Variants in BAIAP2L1 observed in about 807,000 individuals in gnomAD.
BAIAP2L1 encodes BAR/IMD domain-containing adapter protein 2-like 1.
In BAIAP2L1, 35 loss-of-function variants were observed where a neutral mutation model predicts 66.3. The observed-to-expected ratio is 0.53, with a 90% CI of 0.40 to 0.70. BAIAP2L1 has a LOEUF of 0.70. Among genes scored for constraint, BAIAP2L1 ranks in the 30% least tolerant of loss-of-function variants. The pLI is 0.00. For missense variants in BAIAP2L1, 622 were observed against 656.9 expected, an observed-to-expected ratio of 0.95 and a Z score of 0.58; for synonymous variants, 269 against 248.7, an observed-to-expected ratio of 1.08 and a Z score of -0.77.
intron 1 of BAIAP2L1, among the ~76,000 whole-genome samples, chr7:98,384,693 C>CTTTTTT (rs11413562): frequency 1.3e-4 from 15 of 118,792 alleles, no homozygotes; most frequent in African/African-American, 1.5e-4. Flanking sequence ...ATCATTCTAC[C>CTTTTTT]TTTTTTTTTT....
At chr7:98,315,034 T>G (rs1801022351) in intron 7 of BAIAP2L1, among the ~76,000 whole-genome samples, 1 of 152,222 alleles carries the variant, frequency 6.6e-6, no homozygotes, top group African/African-American at 2.4e-5. Context: ...AAACACAGTT[T>G]CTCTGGAATC....
chr7:98,397,294 C>T (rs926018798), intron 1 of BAIAP2L1, among the ~76,000 whole-genome samples: 3 of 150,228 alleles, frequency 2.0e-5, no homozygotes, highest in African/African-American at 4.9e-5. Flanking sequence ...CTGCCACACC[C>T]GTTCTTCCTC....
chr7:98,302,173 C>T (rs968979179), intron 12 of BAIAP2L1, among the ~76,000 whole-genome samples: 7 of 152,230 alleles, frequency 4.6e-5, no homozygotes, highest in African/African-American at 1.4e-4. Context: ...ATACTTACAA[C>T]CAGGCTTCTT....
chr7:98,308,140 G>C, intron 9 of BAIAP2L1: 1 of 637,452 alleles, frequency 1.6e-6, no homozygotes. Context: ...CTGCGGCTGC[G>C]GGCTCTTTTC....
At chr7:98,359,648 G>A (rs1802219569) in intron 2 of BAIAP2L1, among the ~76,000 whole-genome samples, 1 of 151,834 alleles carries the variant, frequency 6.6e-6, no homozygotes, top group South Asian at 2.1e-4. Context: ...TCTCCTGCAG[G>A]GCCTCCTCCC....
chr7:98,304,116 G>C, intron 12 of BAIAP2L1, 80 bp downstream of exon 12: 2 of 1,407,012 alleles, frequency 1.4e-6, no homozygotes, highest in East Asian at 5.1e-5. Context: ...GCAGAGCAAG[G>C]CGGTCACCAC....
chr7:98,347,363 G>A (rs1451738471), intron 3 of BAIAP2L1, among the ~76,000 whole-genome samples: 3 of 152,142 alleles, frequency 2.0e-5, no homozygotes, highest in Non-Finnish European at 2.9e-5. Context: ...ATAGAACAAC[G>A]TAATTTTGCA....
Position 98,292,478 on chromosome 7 carries a change from C to G in BAIAP2L1, c.*1043G>C. ...ACCTGGGCCGGGCTGGGAATTTTAACCATGACTCTCCACTCCAAAATAGGT... is the reference window on the plus strand; with the variant it reads ...ACCTGGGCCGGGCTGGGAATTTTAAGCATGACTCTCCACTCCAAAATAGGT... On this transcript the variant is annotated 3_prime_UTR_variant, in exon 14 of 14. Coordinates refer to ENST00000005260, the MANE Select transcript of BAIAP2L1 (RefSeq NM_018842.5). 2 of 694,102 alleles carry G rather than the reference C, an allele frequency of 2.9e-6. No individual in the cohort carries two copies. Among genetic ancestry groups the G allele is most frequent in the South Asian group, 4.0e-5 (2 of 50,488 alleles). 43.0% of individuals were successfully genotyped at this position (694,102 alleles called of 1,614,324 possible).
At chr7:98,323,214 C>T (rs1003361019) in intron 3 of BAIAP2L1, 1 of 152,148 alleles carries the variant, frequency 6.6e-6, no homozygotes, top group Admixed American at 6.6e-5. Flanking sequence ...CAGCCAAGAG[C>T]ATAATTCCAT....
At chr7:98,328,004 G>C (rs1237096022) in intron 3 of BAIAP2L1, among the ~76,000 whole-genome samples, 1 of 151,510 alleles carries the variant, frequency 6.6e-6, no homozygotes, top group Non-Finnish European at 1.5e-5. Flanking sequence ...GCTGCAAGCA[G>C]AAACCCGAAC....
At chr7:98,337,536 A>G (rs1212635675) in intron 3 of BAIAP2L1, among the ~76,000 whole-genome samples, 1 of 152,258 alleles carries the variant, frequency 6.6e-6, no homozygotes, top group Non-Finnish European at 1.5e-5. Context: ...CAGCAATCAG[A>G]TGTTAATGGC....
Position 98,304,390 on chromosome 7 carries a change from AG to A in BAIAP2L1, c.1242-15del. On this transcript the variant is annotated splice_polypyrimidine_tract_variant and intron_variant, in intron 11 of 13. Coordinates refer to ENST00000005260, the MANE Select transcript of BAIAP2L1 (RefSeq NM_018842.5). ...ACTGGTGTGGGGCTCAAACCCAAAA[AG>A]GACACAGCACGTGTTAGATAATGTC... The A allele has an allele frequency of 6.2e-7, 1 of 1,613,364 alleles. No individual in the cohort carries two copies. Among genetic ancestry groups the A allele is most frequent in the Non-Finnish European group, 8.5e-7 (1 of 1,179,664 alleles).
chr7:98,358,353 G>GTT (rs750663949), intron 2 of BAIAP2L1, among the ~76,000 whole-genome samples: 7 of 150,256 alleles, frequency 4.7e-5, no homozygotes, highest in African/African-American at 1.7e-4. Flanking sequence ...AAGCATATTA[G>GTT]TTTTTTGTTT....
At chr7:98,306,387 G>T (rs768288557) in intron 11 of BAIAP2L1, 52 bp downstream of exon 11, 15 of 1,598,964 alleles carry the variant, frequency 9.4e-6, no homozygotes, top group Admixed American at 5.0e-5. Flanking sequence ...TTACAGAAAC[G>T]ACAAGGCAGG....
At chr7:98,390,781 GT>G (rs1488202064) in intron 1 of BAIAP2L1, among the ~76,000 whole-genome samples, 3 of 151,996 alleles carry the variant, frequency 2.0e-5, no homozygotes, top group Non-Finnish European at 2.9e-5. Flanking sequence ...GAGTTAACTA[GT>G]GCTTAATTGA....
In BAIAP2L1 at chr7:98,360,143, G is replaced by A. The variant is rs957872464; in HGVS notation, c.127+2214C>T. Among the ~76,000 whole-genome samples the A allele has an allele frequency of 4.6e-5, 7 of 151,900 alleles. No homozygotes were observed. In the East Asian group the frequency reaches 5.8e-4, roughly 13 times the overall value. Reference sequence around the variant, plus strand: ...TTACCATTTTGGCCAGGCTGGTTTCGAACTTCTGACCTCAGGTGATCTGCC... The same window carrying A: ...TTACCATTTTGGCCAGGCTGGTTTCAAACTTCTGACCTCAGGTGATCTGCC... On this transcript the variant is annotated intron_variant, in intron 2 of 13. Coordinates refer to ENST00000005260, the MANE Select transcript of BAIAP2L1 (RefSeq NM_018842.5).
chr7:98,313,437 C>T (rs961256857), intron 7 of BAIAP2L1, among the ~76,000 whole-genome samples: 2 of 152,032 alleles, frequency 1.3e-5, no homozygotes, highest in African/African-American at 2.4e-5. Flanking sequence ...GGGGATATCA[C>T]GCAGGAAGAG....
intron 3 of BAIAP2L1, among the ~76,000 whole-genome samples, chr7:98,343,268 CACACACACACACACACACAG>C (rs1201367543): frequency 2.9e-4 from 44 of 150,414 alleles, no homozygotes; most frequent in Admixed American, 1.1e-3. Context: ...CACACACACA[CACACACACACACACACACAG>C]ACACACACAC....
chr7:98,304,194 A>C lies in BAIAP2L1; in HGVS notation c.1422+2T>G. On this transcript the variant is annotated splice_donor_variant, in intron 12 of 13. Transcript: ENST00000005260. LOFTEE classifies it high-confidence loss of function. ...AGGACGCCCTGCTGCGGCTTTACTCACAGGAGCCGCGGTCTCGGGCTTGGA... is the reference window on the plus strand; with the variant it reads ...AGGACGCCCTGCTGCGGCTTTACTCCCAGGAGCCGCGGTCTCGGGCTTGGA... 3 of 1,581,088 alleles carry C rather than the reference A, an allele frequency of 1.9e-6. No homozygotes were observed. The highest frequency in any genetic ancestry group is 2.6e-6 in the Non-Finnish European group (3 of 1,163,108).
Sources: allele counts gnomAD v4.1 joint callset (sites outside exome capture counted in the v4.1 genomes callset), GRCh38; gene constraint gnomAD v4.1.1; transcripts MANE v1.5; gene names NCBI Gene and HGNC (gene_info 2026-07-23, HGNC 2026-07-21).